The following RAF1 variants were observed in gnomAD, a reference collection of about 807,000 sequenced individuals.
The protein encoded by RAF1 is RAF proto-oncogene serine/threonine-protein kinase.
A neutral mutation model predicts 81.1 loss-of-function variants in RAF1; 27 were observed. The ratio of observed to expected loss-of-function variants is 0.33; its 90% CI spans 0.25 to 0.46. RAF1 has a LOEUF of 0.46. Ranked by LOEUF, RAF1 falls within the 20% of genes least tolerant of loss-of-function variation. The pLI is 1.00. For missense variants in RAF1, 598 were observed against 826.0 expected (o/e 0.72, Z 3.38); for synonymous variants, 298 against 294.0 (o/e 1.01, Z -0.14).
rs568794298 is a variant in RAF1, at chr3:12,596,726, C to T, written c.1168+2965G>A. Among the ~76,000 whole-genome samples the T allele has an allele frequency of 2.0e-5, 3 of 152,192 alleles. No homozygotes were observed. In the South Asian group the frequency reaches 6.2e-4, roughly 32 times the overall value. ...TGAACAGATATACTGTATACAGGAA[C>T]CAGAATATGGCGGAAAAAAGTATTG... On this transcript the variant is annotated intron_variant, in intron 11 of 17. Coordinates refer to ENST00000442415, the MANE Select transcript of RAF1 (RefSeq NM_001354689.3).
intron 1 of RAF1, among the ~76,000 whole-genome samples, chr3:12,639,655 C>T (rs1342009913): frequency 1.2e-4 from 18 of 151,996 alleles, no homozygotes; most frequent in South Asian, 6.2e-4. Flanking sequence ...CCTAGGAATC[C>T]GACTTACAAG....
chr3:12,611,528 G>A (rs1387510126), intron 3 of RAF1, among the ~76,000 whole-genome samples: 6 of 152,036 alleles, frequency 3.9e-5, no homozygotes, highest in South Asian at 2.1e-4. Flanking sequence ...GTGAAACCCC[G>A]TCTCTACTAA....
intron 1 of RAF1, among the ~76,000 whole-genome samples, chr3:12,645,355 G>T (rs1206413446): frequency 2.0e-5 from 3 of 152,010 alleles, no homozygotes; most frequent in Non-Finnish European, 2.9e-5. Flanking sequence ...GCAGGCTAAA[G>T]CAGGTATTAT....
chr3:12,596,478 G>A (rs1434045818), intron 11 of RAF1, among the ~76,000 whole-genome samples: 1 of 152,136 alleles, frequency 6.6e-6, no homozygotes, highest in Non-Finnish European at 1.5e-5. Context: ...ACAGGCATGA[G>A]CCACCGCACC....
intron 1 of RAF1, among the ~76,000 whole-genome samples, chr3:12,652,801 T>C (rs2060572476): frequency 6.7e-6 from 1 of 150,172 alleles, no homozygotes; most frequent in Admixed American, 6.7e-5. Context: ...TACAAAAAAT[T>C]AGCCAGGTGT....
chr3:12,643,258 G>A (rs1257400123), intron 1 of RAF1, among the ~76,000 whole-genome samples: 2 of 152,132 alleles, frequency 1.3e-5, no homozygotes, highest in Admixed American at 6.6e-5. Flanking sequence ...TATTTCCAGA[G>A]AGCTTGCAGA....
chr3:12,653,224 G>C (rs1483957930), intron 1 of RAF1, among the ~76,000 whole-genome samples: 1 of 152,052 alleles, frequency 6.6e-6, no homozygotes. Context: ...AGAGGTTGCA[G>C]TGAGCTGAGA....
intron 1 of RAF1, among the ~76,000 whole-genome samples, chr3:12,661,375 C>T (rs1459544320): frequency 1.3e-5 from 2 of 152,078 alleles, no homozygotes; most frequent in Non-Finnish European, 2.9e-5. Context: ...CTATAGTCGT[C>T]CAATTTCTGT....
chr3:12,619,889 T>C (rs1185180557), intron 1 of RAF1, among the ~76,000 whole-genome samples: 1 of 151,984 alleles, frequency 6.6e-6, no homozygotes, highest in Non-Finnish European at 1.5e-5. Context: ...GAGACCATCC[T>C]AGCTAACACA....
intron 1 of RAF1, among the ~76,000 whole-genome samples, chr3:12,649,368 C>A (rs2060450457): frequency 6.6e-6 from 1 of 152,144 alleles, no homozygotes; most frequent in South Asian, 2.1e-4. Flanking sequence ...GAAATCAAAG[C>A]AGTAGAATGG....
chr3:12,593,636 TCCATATGGGACA>T (rs1469865644), intron 11 of RAF1, among the ~76,000 whole-genome samples: 4 of 152,066 alleles, frequency 2.6e-5, no homozygotes, highest in Non-Finnish European at 5.9e-5. Context: ...GAAAAATGGA[TCCATATGGGACA>T]CCATATGGGA....
chr3:12,657,595 A>G (rs2060737406), intron 1 of RAF1, among the ~76,000 whole-genome samples: 1 of 152,012 alleles, frequency 6.6e-6, no homozygotes, highest in African/African-American at 2.4e-5. Flanking sequence ...ATCATGGAGA[A>G]ACCCCATCTC....
In RAF1 at chr3:12,645,242, C is replaced by T. The variant is rs5746170; in HGVS notation, c.-27+18571G>A. Among the ~76,000 whole-genome samples, 483 of 151,984 alleles carry T rather than the reference C, an allele frequency of 3.2e-3. 3 individuals are homozygous for T. The highest frequency in any genetic ancestry group is 0.011 in the African/African-American group (437 of 41,470). On this transcript the variant is annotated intron_variant, in intron 1 of 17. Transcript: ENST00000442415. ...CCCAGCAATGCTTTTTGTGTAGTTC[C>T]GACTCAAAAAAGTTTACTTAGTCAA... is the stretch of plus-strand genomic sequence containing the variant.
intron 11 of RAF1, among the ~76,000 whole-genome samples, chr3:12,594,406 TA>T (rs2058622296): frequency 6.6e-6 from 1 of 152,152 alleles, no homozygotes; most frequent in South Asian, 2.1e-4. Context: ...GAACTGCTTC[TA>T]AGGACCTTCC....
chr3:12,619,525 A>G (rs1294326834), intron 1 of RAF1, among the ~76,000 whole-genome samples: 1 of 149,758 alleles, frequency 6.7e-6, no homozygotes, highest in Non-Finnish European at 1.5e-5. Flanking sequence ...ATATCGTGTC[A>G]TTGCACTCCA....
chr3:12,641,840 G>C (rs1254506054), intron 1 of RAF1, among the ~76,000 whole-genome samples: 1 of 152,076 alleles, frequency 6.6e-6, no homozygotes, highest in Non-Finnish European at 1.5e-5. Flanking sequence ...TTGTAGTTTA[G>C]ATTCCTGGAT....
At chr3:12,657,768 C>T (rs1007631898) in intron 1 of RAF1, among the ~76,000 whole-genome samples, 1 of 126,940 alleles carries the variant, frequency 7.9e-6, no homozygotes, top group African/African-American at 2.9e-5. Flanking sequence ...CAAAACATCT[C>T]AAAAAAAAAA....
In RAF1 at chr3:12,618,664, C is replaced by T; in HGVS notation, c.58G>A (p.Ala20Thr). The change falls in exon 2 of 18, where the codon GCC (alanine) becomes ACC (threonine). Residue 20 changes from alanine (A) to threonine (T), a missense_variant. Ala to Thr is a moderately conservative substitution (Grantham distance 58). Around this residue, in one of 5 missense-constraint regions of RAF1, gnomAD observed 83 missense variants for 72.3 expected, o/e 1.15. Transcript: ENST00000442415. ...ATGCAGCTGGAGCCATCAAACACGG[C>T]ATCTTTGAATCCAAAACCATTGCTG... 1 of 1,614,210 alleles carries T rather than the reference C, an allele frequency of 6.2e-7. No individual in the cohort carries two copies. The highest frequency in any genetic ancestry group is 8.5e-7 in the Non-Finnish European group (1 of 1,180,042).
chr3:12,643,050 T>C (rs2060242242), intron 1 of RAF1, among the ~76,000 whole-genome samples: 1 of 152,110 alleles, frequency 6.6e-6, no homozygotes, highest in Admixed American at 6.6e-5. Context: ...TCCTATTCTT[T>C]CAAGAAGTAA....
Sources: allele counts gnomAD v4.1 joint callset (sites outside exome capture counted in the v4.1 genomes callset), GRCh38; gene constraint gnomAD v4.1.1; regional missense constraint gnomAD v4.1.1; transcripts MANE v1.5; gene names NCBI Gene and HGNC (gene_info 2026-07-23, HGNC 2026-07-21).